Variants in STARD13 observed in about 807,000 individuals in gnomAD.
STARD13 encodes the protein stAR-related lipid transfer protein 13.
STARD13 carries 62 observed loss-of-function variants against 106.4 expected under a neutral mutation model. The ratio of observed to expected loss-of-function variants is 0.58; its 90% CI spans 0.48 to 0.72. The LOEUF is 0.72. Among genes scored for constraint, STARD13 ranks in the 30% least tolerant of loss-of-function variants. The pLI is 0.00. For synonymous variants in STARD13, 565 were observed against 553.0 expected, an observed-to-expected ratio of 1.02 and a Z score of -0.31; for missense variants, 1,387 against 1,424.0, an observed-to-expected ratio of 0.97 and a Z score of 0.42.
chr13:33,451,375 G>T, the STARD13 span, among the ~76,000 whole-genome samples: 1 of 152,134 alleles, frequency 6.6e-6, no homozygotes, highest in African/African-American at 2.4e-5. Context: ...ATGGACTGGG[G>T]GTGGAAAGGA....
chr13:33,157,296 T>G (rs535293338), intron 3 of STARD13, among the ~76,000 whole-genome samples: 1 of 152,338 alleles, frequency 6.6e-6, no homozygotes, highest in East Asian at 1.9e-4. Context: ...GCCCTTGTTT[T>G]GCATGTGCTA....
At chr13:33,214,971 C>T (rs1887945176) in intron 1 of STARD13, among the ~76,000 whole-genome samples, 1 of 152,068 alleles carries the variant, frequency 6.6e-6, no homozygotes, top group Admixed American at 6.6e-5. Flanking sequence ...TGTTTAAGTC[C>T]TTTGGAAGCA....
intron 1 of STARD13, among the ~76,000 whole-genome samples, chr13:33,256,594 T>C (rs1245802867): frequency 6.6e-6 from 1 of 152,202 alleles, no homozygotes. Context: ...CATAGGGGTA[T>C]TTTTTTCTTA....
intron 1 of STARD13, among the ~76,000 whole-genome samples, chr13:33,212,670 A>G (rs1887792942): frequency 6.6e-6 from 1 of 152,168 alleles, no homozygotes; most frequent in Non-Finnish European, 1.5e-5. Flanking sequence ...TATGCCTCCA[A>G]CTCAATTTCA....
intron 1 of STARD13, chr13:33,271,639 T>C (rs1203430478): frequency 6.6e-6 from 1 of 152,266 alleles, no homozygotes; most frequent in Non-Finnish European, 1.5e-5. Context: ...CTTGGACATT[T>C]ACTTGGGAAG....
chr13:33,157,094 A>G (rs1882067711), intron 3 of STARD13, among the ~76,000 whole-genome samples: 1 of 152,320 alleles, frequency 6.6e-6, no homozygotes, highest in African/African-American at 2.4e-5. Context: ...GTTATTCAAC[A>G]TACTCGAATC....
At chr13:33,267,905 T>C (rs1890975940) in intron 1 of STARD13, among the ~76,000 whole-genome samples, 1 of 152,214 alleles carries the variant, frequency 6.6e-6, no homozygotes, top group Non-Finnish European at 1.5e-5. Context: ...CCCAGGCTTC[T>C]TCTGGGCTTA....
At position 33,103,863 on chromosome 13, in the gene STARD13, T is replaced by G. The variant is rs766060515; in HGVS notation, c.*1730A>C. The stretch of plus-strand genomic sequence containing the variant: ...CAAGATGTTATGGCAGAAGTGACTT[T>G]GTTTTGCTCACAAAGCATTGCCCAA... On this transcript the variant is annotated 3_prime_UTR_variant, in exon 14 of 14. Transcript: ENST00000336934. 1.3e-5 allele frequency: 2 copies of G among 152,226 alleles called. No homozygotes were observed. Among genetic ancestry groups the G allele is most frequent in the Non-Finnish European group, 2.9e-5 (2 of 68,044 alleles). The allele number at this position is 152,226 out of a possible 1,614,324, so 9.4% of individuals were successfully genotyped here.
At chr13:33,198,050 G>A (rs1886763132) in intron 1 of STARD13, among the ~76,000 whole-genome samples, 1 of 119,716 alleles carries the variant, frequency 8.4e-6, no homozygotes. Flanking sequence ...CACACCTGTA[G>A]TCCTAGCTAC....
At chr13:33,310,881 T>G (rs748846949) in intron 1 of STARD13, among the ~76,000 whole-genome samples, 11 of 152,028 alleles carry the variant, frequency 7.2e-5, no homozygotes, top group Non-Finnish European at 1.2e-4. Flanking sequence ...GGCCTATTGC[T>G]CCTAGGCTAC....
intron 1 of STARD13, among the ~76,000 whole-genome samples, chr13:33,226,435 C>CTTTTT (rs71196514): frequency 5.5e-4 from 71 of 130,212 alleles, no homozygotes; most frequent in African/African-American, 1.7e-3. Context: ...AAATTTAGTT[C>CTTTTT]TTTTTTTTTT....
chr13:33,347,889 G>T (rs1486511706), downstream of STARD13, among the ~76,000 whole-genome samples: 1 of 152,190 alleles, frequency 6.6e-6, no homozygotes, highest in Non-Finnish European at 1.5e-5. Flanking sequence ...TTTTCACCTA[G>T]AATTGATGCC....
intron 1 of STARD13, among the ~76,000 whole-genome samples, chr13:33,256,407 C>T (rs1336220510): frequency 6.6e-6 from 1 of 152,196 alleles, no homozygotes; most frequent in African/African-American, 2.4e-5. Context: ...AAATGATCAC[C>T]AGGTACCCAG....
chr13:33,182,050 T>C (rs189159949), intron 1 of STARD13, among the ~76,000 whole-genome samples: 12 of 152,330 alleles, frequency 7.9e-5, no homozygotes, highest in Admixed American at 2.0e-4. Flanking sequence ...AATATTTTGA[T>C]CACAATCTTT....
At chr13:33,613,979 G>A in the STARD13 span, among the ~76,000 whole-genome samples, 9,241 of 152,284 alleles carry the variant, frequency 0.061, 350 homozygotes, top group South Asian at 0.11. Flanking sequence ...GTTTTAGGGT[G>A]TTCAGATGGG....
the STARD13 span, among the ~76,000 whole-genome samples, chr13:33,457,250 C>A: frequency 6.6e-6 from 1 of 152,208 alleles, no homozygotes; most frequent in African/African-American, 2.4e-5. Flanking sequence ...AGTAATGGAA[C>A]TTTTGTGAAA....
At chr13:33,516,481 C>G in the STARD13 span, among the ~76,000 whole-genome samples, 2 of 151,938 alleles carry the variant, frequency 1.3e-5, no homozygotes, top group African/African-American at 2.4e-5. Context: ...TCAAATAAAT[C>G]TTCCTTTGCC....
At chr13:33,105,901 T>G (rs549491053) in intron 13 of STARD13, among the ~76,000 whole-genome samples, 191 bp from the exon 14 acceptor site, 9 of 152,364 alleles carry the variant, frequency 5.9e-5, no homozygotes, top group Non-Finnish European at 1.3e-4. Flanking sequence ...CTGCTAAGTA[T>G]TCATGTTGTC....
chr13:33,217,992 TAC>T (rs371803845), intron 1 of STARD13, among the ~76,000 whole-genome samples: 1,952 of 151,384 alleles, frequency 0.013, 26 homozygotes, highest in African/African-American at 0.039. Context: ...TACACACACA[TAC>T]ACACACACAC....
Sources: gnomAD v4.1 joint callset for allele counts (sites outside exome capture counted in the v4.1 genomes callset) on GRCh38, gnomAD v4.1.1 for gene constraint, MANE v1.5 for transcripts, NCBI Gene and HGNC (gene_info 2026-07-23, HGNC 2026-07-21) for gene names.